Variants in SYN2 observed in about 807,000 individuals in gnomAD.
The protein encoded by SYN2 is synapsin-2.
Under a neutral mutation model 50.9 loss-of-function variants are expected in SYN2, and 19 were observed. The ratio of observed to expected loss-of-function variants is 0.37; its 90% CI spans 0.26 to 0.55. The LOEUF is 0.55. SYN2 is among the 20% of genes least tolerant of loss of function. The pLI is 0.81. For missense variants in SYN2, 587 were observed against 576.4 expected, an observed-to-expected ratio of 1.02 and a Z score of -0.19; for synonymous variants, 255 against 224.9, an observed-to-expected ratio of 1.13 and a Z score of -1.20.
intron 1 of SYN2, among the ~76,000 whole-genome samples, chr3:12,102,874 T>C (rs556431097): frequency 2.9e-4 from 44 of 152,224 alleles, no homozygotes; most frequent in African/African-American, 9.4e-4. Context: ...TACAGACATA[T>C]AATGAACTAC....
At chr3:12,126,333 T>C in intron 1 of SYN2, among the ~76,000 whole-genome samples, 1 of 152,212 alleles carries the variant, frequency 6.6e-6, no homozygotes, top group African/African-American at 2.4e-5. Context: ...CTGCCATATG[T>C]ATATTCTGTA....
chr3:12,098,856 C>CATATATATAT lies in SYN2; in HGVS notation c.378-41779_378-41770dup, dbSNP rs35420190. Among the ~76,000 whole-genome samples, 593 of 133,616 alleles carry CATATATATAT rather than the reference C, an allele frequency of 4.4e-3. 1 individual carries two copies. The highest frequency in any genetic ancestry group is 9.8e-3 in the African/African-American group (345 of 35,234). 87.7% of individuals were successfully genotyped at this position (133,616 alleles called of 152,430 possible). On this transcript the variant is annotated intron_variant, in intron 1 of 12. Transcript: ENST00000621198. ...GTCACAAATAGGTTAAAAGCAAAAG[C>CATATATATAT]ATATATATATATATATATATATATA...
chr3:12,063,910 G>A (rs1695160868), intron 1 of SYN2, among the ~76,000 whole-genome samples: 1 of 151,974 alleles, frequency 6.6e-6, no homozygotes, highest in Non-Finnish European at 1.5e-5. Flanking sequence ...TCAAGAAGGT[G>A]GAATATAACT....
At chr3:12,044,883 A>G (rs187001178) in intron 1 of SYN2, among the ~76,000 whole-genome samples, 7 of 152,320 alleles carry the variant, frequency 4.6e-5, no homozygotes, top group Admixed American at 2.6e-4. Context: ...ATACTGTGCT[A>G]ATCTCTTTAT....
intron 1 of SYN2, among the ~76,000 whole-genome samples, chr3:12,081,102 A>G (rs953837697): frequency 6.6e-6 from 1 of 152,208 alleles, no homozygotes; most frequent in Non-Finnish European, 1.5e-5. Flanking sequence ...GTAAACAACA[A>G]TGTTTAGTCA....
chr3:12,119,008 C>T lies in SYN2; in HGVS notation c.378-21643C>T, dbSNP rs144123337. Among the ~76,000 whole-genome samples the T allele has an allele frequency of 6.8e-3, 1,038 of 152,248 alleles. 11 individuals carry two copies. The highest frequency in any genetic ancestry group is 0.023 in the African/African-American group (968 of 41,530). ...TGGGCACGTGTTTCCCCTCACATCT[C>T]ACATCTCATTTGCACTTGTGGTTGA... On this transcript the variant is annotated intron_variant, in intron 1 of 12. Transcript: ENST00000621198.
intron 5 of SYN2, among the ~76,000 whole-genome samples, chr3:12,161,216 A>G (rs1697639890): frequency 1.3e-5 from 2 of 152,256 alleles, no homozygotes; most frequent in South Asian, 4.1e-4. Flanking sequence ...TCACTCTTTC[A>G]GAGATACTTT....
intron 11 of SYN2, among the ~76,000 whole-genome samples, chr3:12,186,675 ATGG>A (rs1355986629): frequency 6.6e-6 from 1 of 152,192 alleles, no homozygotes; most frequent in African/African-American, 2.4e-5. Flanking sequence ...CTGGTGGGGC[ATGG>A]TGGGCCTGGC....
intron 1 of SYN2, among the ~76,000 whole-genome samples, chr3:12,068,387 C>G (rs307588): frequency 0.64 from 97,638 of 152,032 alleles, 33,878 homozygotes; most frequent in South Asian, 0.78. Flanking sequence ...GGATGTTGAT[C>G]TGTTCCCACC....
At chr3:12,028,354 A>G (rs1694310421) in intron 1 of SYN2, among the ~76,000 whole-genome samples, 1 of 150,024 alleles carries the variant, frequency 6.7e-6, no homozygotes, top group African/African-American at 2.5e-5. Flanking sequence ...ATGTGTCTTT[A>G]TAGCAGCATG....
intron 1 of SYN2, among the ~76,000 whole-genome samples, chr3:12,108,842 C>A (rs1185004791): frequency 1.6e-5 from 2 of 124,038 alleles, no homozygotes; most frequent in African/African-American, 4.2e-5. Flanking sequence ...GTTTAGGAGC[C>A]AGTTTTTTTT....
intron 5 of SYN2, among the ~76,000 whole-genome samples, chr3:12,157,649 C>G (rs1697498445): frequency 6.6e-6 from 1 of 152,118 alleles, no homozygotes; most frequent in Non-Finnish European, 1.5e-5. Flanking sequence ...GGAAACACCT[C>G]CCCTGCAGTC....
intron 10 of SYN2, among the ~76,000 whole-genome samples, chr3:12,182,442 T>A (rs1172565822): frequency 6.6e-6 from 1 of 152,146 alleles, no homozygotes; most frequent in Non-Finnish European, 1.5e-5. Context: ...AATACAAGCA[T>A]TAGACAAACT....
intron 10 of SYN2, among the ~76,000 whole-genome samples, chr3:12,177,180 G>A (rs1464196439): frequency 6.6e-6 from 1 of 152,184 alleles, no homozygotes; most frequent in African/African-American, 2.4e-5. Context: ...GGTATGAAGA[G>A]AAACAGAACA....
chr3:12,143,244 C>T (rs1424514524), intron 3 of SYN2, among the ~76,000 whole-genome samples: 1 of 152,084 alleles, frequency 6.6e-6, no homozygotes, highest in Non-Finnish European at 1.5e-5. Flanking sequence ...AGAACTGGGA[C>T]ACAAGAAGGT....
intron 10 of SYN2, among the ~76,000 whole-genome samples, chr3:12,183,104 A>T (rs1698259431): frequency 6.6e-6 from 1 of 152,224 alleles, no homozygotes; most frequent in Admixed American, 6.5e-5. Flanking sequence ...TCCAAGCCCC[A>T]GACTGCCCAC....
At chr3:12,143,038 T>C (rs190135311) in intron 3 of SYN2, among the ~76,000 whole-genome samples, 136 of 151,974 alleles carry the variant, frequency 8.9e-4, no homozygotes, top group Non-Finnish European at 1.7e-3. Flanking sequence ...CAGCTGTAGG[T>C]AGAGAGGGTA....
intron 1 of SYN2, among the ~76,000 whole-genome samples, chr3:12,089,949 T>G (rs918987271): frequency 6.6e-6 from 1 of 152,200 alleles, no homozygotes. Context: ...TGCTTCATTT[T>G]CTTATCTACA....
At chr3:12,137,422 C>T (rs1430743365) in intron 1 of SYN2, among the ~76,000 whole-genome samples, 8 of 152,080 alleles carry the variant, frequency 5.3e-5, no homozygotes, top group African/African-American at 1.9e-4. Flanking sequence ...TAGTAAAAAC[C>T]GTAACTGTGT....
Sources: allele counts gnomAD v4.1 joint callset (sites outside exome capture counted in the v4.1 genomes callset), GRCh38; gene constraint gnomAD v4.1.1; transcripts MANE v1.5; gene names NCBI Gene and HGNC (gene_info 2026-07-23, HGNC 2026-07-21).